Variants in RBFOX3 observed in about 807,000 individuals in gnomAD.
RBFOX3 encodes the protein RNA binding fox-1 homolog 3, also known as RNA binding protein fox-1 homolog 3.
In RBFOX3, 17 loss-of-function variants were observed where a neutral mutation model predicts 48.7. The observed-to-expected ratio is 0.35, with a 90% CI of 0.24 to 0.52. The LOEUF (loss-of-function observed/expected upper bound fraction) is 0.52. Ranked by LOEUF, RBFOX3 falls within the 20% of genes least tolerant of loss-of-function variation. The pLI, the probability that RBFOX3 is intolerant of heterozygous loss-of-function variation, is 0.94. For synonymous variants in RBFOX3, 212 were observed against 209.5 expected (o/e 1.01, Z -0.10); for missense variants, 382 against 497.5 (o/e 0.77, Z 2.21).
At chr17:79,534,690 C>T (rs1279095607) in intron 1 of RBFOX3, among the ~76,000 whole-genome samples, 2 of 152,170 alleles carry the variant, frequency 1.3e-5, no homozygotes, top group Non-Finnish European at 2.9e-5. Flanking sequence ...AGCCCCAAGA[C>T]CCACCGTGAC....
At chr17:79,653,043 C>T in the RBFOX3 span, among the ~76,000 whole-genome samples, 66 of 152,182 alleles carry the variant, frequency 4.3e-4, no homozygotes, top group South Asian at 2.1e-3. Flanking sequence ...AAAATGCCTT[C>T]GAAATTCTAG....
At chr17:79,227,658 C>T (rs1056710564) in intron 4 of RBFOX3, among the ~76,000 whole-genome samples, 2 of 152,252 alleles carry the variant, frequency 1.3e-5, no homozygotes, top group East Asian at 1.9e-4. Flanking sequence ...ATAACTGGAG[C>T]ACATGTGATG....
chr17:79,169,920 G>C (rs111316242), intron 4 of RBFOX3, among the ~76,000 whole-genome samples: 1 of 151,712 alleles, frequency 6.6e-6, no homozygotes, highest in African/African-American at 2.4e-5. Context: ...ATGAAGAGAG[G>C]AAAGAAGGAA....
At chr17:79,476,919 A>G (rs1385410967) in intron 2 of RBFOX3, among the ~76,000 whole-genome samples, 2 of 151,964 alleles carry the variant, frequency 1.3e-5, no homozygotes, top group Non-Finnish European at 2.9e-5. Flanking sequence ...GAGAAAGAGG[A>G]AAAGGAGACG....
At chr17:79,582,320 G>A (rs2093097679) in intron 1 of RBFOX3, among the ~76,000 whole-genome samples, 1 of 152,298 alleles carries the variant, frequency 6.6e-6, no homozygotes, top group African/African-American at 2.4e-5. Context: ...CTGTGTGTGT[G>A]TGCCTGTGCC....
the RBFOX3 span, among the ~76,000 whole-genome samples, chr17:79,653,952 G>A: frequency 1.3e-5 from 2 of 150,914 alleles, no homozygotes; most frequent in Non-Finnish European, 2.9e-5. Flanking sequence ...TAGGGCACCT[G>A]TACTGGAAAG....
the RBFOX3 span, among the ~76,000 whole-genome samples, chr17:79,617,016 T>A: frequency 6.6e-6 from 1 of 152,170 alleles, no homozygotes; most frequent in Admixed American, 6.5e-5. Flanking sequence ...CTCAGCTGTG[T>A]CCGCCGGCTG....
At chr17:79,308,174 G>A (rs950526053) in intron 2 of RBFOX3, among the ~76,000 whole-genome samples, 5 of 152,144 alleles carry the variant, frequency 3.3e-5, no homozygotes, top group African/African-American at 7.2e-5. Flanking sequence ...TGGCCGAGTC[G>A]CCTGTCCCCA....
At chr17:79,359,631 A>G (rs185116122) in intron 2 of RBFOX3, among the ~76,000 whole-genome samples, 1 of 152,198 alleles carries the variant, frequency 6.6e-6, no homozygotes, top group East Asian at 1.9e-4. Flanking sequence ...ACCCCGACTA[A>G]GGCAGGACCA....
chr17:79,226,036 A>G (rs1363595624), intron 4 of RBFOX3, among the ~76,000 whole-genome samples: 2 of 152,184 alleles, frequency 1.3e-5, no homozygotes, highest in Non-Finnish European at 2.9e-5. Flanking sequence ...GCCCATCTGG[A>G]TAGGCCCAAA....
chr17:79,388,688 G>A (rs549156872), intron 2 of RBFOX3, among the ~76,000 whole-genome samples: 32 of 152,214 alleles, frequency 2.1e-4, no homozygotes, highest in Non-Finnish European at 4.1e-4. Context: ...GGATGTCCAC[G>A]TCCCGGCCAG....
At position 79,254,184 on chromosome 17, in the gene RBFOX3, T is replaced by G. The variant is rs2064410770; in HGVS notation, c.-73-18379A>C. Reference sequence around the variant, plus strand: ...CCTCACAGAAGTCATTTGCTGAGTTTTGCAGTTCATGAGAGTGAAAGTGAT... The same window carrying G: ...CCTCACAGAAGTCATTTGCTGAGTTGTGCAGTTCATGAGAGTGAAAGTGAT... On this transcript the variant is annotated intron_variant, in intron 3 of 14. Coordinates refer to ENST00000693108, the MANE Select transcript of RBFOX3 (RefSeq NM_001350451.2). This position sits in a 1 kb window ranked among gnomAD's most constrained non-coding sequence, Gnocchi z 4.8. 1.3e-5 allele frequency among the ~76,000 whole-genome samples: 2 copies of G among 152,140 alleles called. No individual in the cohort carries two copies.
chr17:79,227,176 G>A (rs550303823), intron 4 of RBFOX3, among the ~76,000 whole-genome samples: 1 of 152,316 alleles, frequency 6.6e-6, no homozygotes, highest in Non-Finnish European at 1.5e-5. Flanking sequence ...GCTGGTTTTG[G>A]CCGAGACCAC....
At chr17:79,313,663 C>T (rs547495525) in intron 2 of RBFOX3, among the ~76,000 whole-genome samples, 23 of 152,290 alleles carry the variant, frequency 1.5e-4, no homozygotes, top group East Asian at 7.8e-4. Flanking sequence ...GCCTGTGCTC[C>T]GTCATGGGTA....
At chr17:79,315,723 G>A (rs1338547083) in intron 2 of RBFOX3, among the ~76,000 whole-genome samples, 2 of 152,370 alleles carry the variant, frequency 1.3e-5, no homozygotes, top group Admixed American at 6.5e-5. Context: ...TAAGCCTGGC[G>A]TTTCTGCGGG....
chr17:79,619,101 G>T, the RBFOX3 span, among the ~76,000 whole-genome samples: 1 of 152,212 alleles, frequency 6.6e-6, no homozygotes, highest in Non-Finnish European at 1.5e-5. Flanking sequence ...AAAGGAAGAG[G>T]CAGGGGACGT....
At chr17:79,101,041 G>C (rs908082077) in intron 9 of RBFOX3, among the ~76,000 whole-genome samples, 1 of 152,102 alleles carries the variant, frequency 6.6e-6, no homozygotes, top group African/African-American at 2.4e-5. Flanking sequence ...CCTTCCTCAT[G>C]GTGCTTAAAG....
At chr17:79,512,653 T>C (rs1441976913) in intron 1 of RBFOX3, among the ~76,000 whole-genome samples, 1 of 141,324 alleles carries the variant, frequency 7.1e-6, no homozygotes, top group Non-Finnish European at 1.5e-5. Context: ...TACGGCCCCA[T>C]GGCCAGGGGA....
At position 79,242,225 on chromosome 17, in the gene RBFOX3, G is replaced by GC. The variant is rs2148029906; in HGVS notation, c.-73-6421dup. ...TGGTGGAGGGGGTGCTACCTGAGGA[G>GC]CCCCGGGGTGGGGGGCAGGCCGTAT... On this transcript the variant is annotated intron_variant, in intron 3 of 14. Coordinates refer to ENST00000693108, the MANE Select transcript of RBFOX3 (RefSeq NM_001350451.2). The surrounding 1 kb of genome is among the most constrained non-coding windows in gnomAD (Gnocchi z 5.8). Among the ~76,000 whole-genome samples the GC allele has an allele frequency of 6.6e-6, 1 of 152,182 alleles. No homozygotes were observed. Among genetic ancestry groups the GC allele is most frequent in the South Asian group, 2.1e-4 (1 of 4,812 alleles).
Sources: gnomAD v4.1 joint callset for allele counts (sites outside exome capture counted in the v4.1 genomes callset) on GRCh38, gnomAD v4.1.1 for gene constraint, Gnocchi (gnomAD v3.1) non-coding constraint, MANE v1.5 for transcripts, NCBI Gene and HGNC (gene_info 2026-07-23, HGNC 2026-07-21) for gene names.